The following NCOA1 variants were observed in gnomAD, a reference collection of about 807,000 sequenced individuals.
NCOA1 encodes nuclear receptor coactivator 1.
NCOA1 carries 35 observed loss-of-function variants against 150.9 expected under a neutral mutation model. The ratio of observed to expected loss-of-function variants is 0.23; its 90% CI spans 0.18 to 0.31. NCOA1 has a LOEUF of 0.31. Ranked by LOEUF, NCOA1 falls within the 10% of genes least tolerant of loss-of-function variation. The pLI, the probability that NCOA1 is intolerant of heterozygous loss-of-function variation, is 1.00. For missense variants in NCOA1, 1,491 were observed against 1,749.3 expected (o/e 0.85, Z 2.63); for synonymous variants, 590 against 630.0 (o/e 0.94, Z 0.95).
intron 3 of NCOA1, among the ~76,000 whole-genome samples, chr2:24,630,851 G>T (rs1004578201): frequency 2.0e-5 from 3 of 151,996 alleles, no homozygotes; most frequent in African/African-American, 7.3e-5. Flanking sequence ...ATTAGAAAAA[G>T]CAAACAACTT....
intron 14 of NCOA1, among the ~76,000 whole-genome samples, chr2:24,716,840 A>T (rs761435983): frequency 6.6e-6 from 1 of 152,232 alleles, no homozygotes; most frequent in Non-Finnish European, 1.5e-5. Flanking sequence ...GGAAGAAATT[A>T]TATTCTCTCT....
At position 24,662,126 on chromosome 2, in the gene NCOA1, T is replaced by A. The variant is rs139892318; in HGVS notation, c.89+3360T>A. On this transcript the variant is annotated intron_variant, in intron 5 of 22. Transcript: ENST00000348332. ...TTTATGTATGAATGCCACCTTGTAA[T>A]GTTTCTGTCTCCCCAAACAGAATTG... Among the ~76,000 whole-genome samples, 3 of 152,320 alleles carry A rather than the reference T, an allele frequency of 2.0e-5. No individual in the cohort carries two copies. In the East Asian group the frequency reaches 5.8e-4, roughly 29 times the overall value.
intron 14 of NCOA1, among the ~76,000 whole-genome samples, chr2:24,720,293 G>A (rs1674292153): frequency 6.6e-6 from 1 of 152,120 alleles, no homozygotes; most frequent in African/African-American, 2.4e-5. Context: ...ATTTATTATG[G>A]GCCTCTTGGT....
intron 8 of NCOA1, among the ~76,000 whole-genome samples, chr2:24,689,780 G>A (rs1672578744): frequency 6.6e-6 from 1 of 152,172 alleles, no homozygotes; most frequent in Non-Finnish European, 1.5e-5. Context: ...TTCAGTACAT[G>A]AGAAGAGAGC....
At chr2:24,694,803 A>G (rs910627070) in intron 10 of NCOA1, among the ~76,000 whole-genome samples, 3 of 149,426 alleles carry the variant, frequency 2.0e-5, no homozygotes, top group African/African-American at 7.7e-5. Flanking sequence ...TCCAAAAACA[A>G]AAATTTATTT....
chr2:24,507,034 C>G lies in NCOA1; in HGVS notation c.-396+15432C>G, dbSNP rs955701155. On this transcript the variant is annotated intron_variant, in intron 1 of 22. Transcript: ENST00000348332. ...GTATTATCTCCTTTATCTCAGTGTCCTTGTTGATGTTGTTACTACTATTAC... is the reference window on the plus strand; with the variant it reads ...GTATTATCTCCTTTATCTCAGTGTCGTTGTTGATGTTGTTACTACTATTAC... Among the ~76,000 whole-genome samples the G allele has an allele frequency of 7.9e-5, 12 of 152,146 alleles. No individual in the cohort carries two copies. In the East Asian group the frequency reaches 2.3e-3, roughly 29 times the overall value.
At chr2:24,500,757 T>C (rs1038529531) in intron 1 of NCOA1, among the ~76,000 whole-genome samples, 3 of 152,216 alleles carry the variant, frequency 2.0e-5, no homozygotes, top group African/African-American at 7.2e-5. Flanking sequence ...ATAAGTGCTA[T>C]GTTACCTAGC....
intron 21 of NCOA1, among the ~76,000 whole-genome samples, chr2:24,760,157 T>G (rs1263429451): frequency 2.7e-5 from 4 of 149,296 alleles, no homozygotes; most frequent in Non-Finnish European, 6.0e-5. Flanking sequence ...TTTTTTTTTT[T>G]GAGATGGAGT....
At chr2:24,664,217 T>C (rs1267220778) in intron 5 of NCOA1, among the ~76,000 whole-genome samples, 1 of 152,196 alleles carries the variant, frequency 6.6e-6, no homozygotes, top group Non-Finnish European at 1.5e-5. Flanking sequence ...AAATACAATT[T>C]TAATAACTAC....
At chr2:24,576,083 T>C (rs892430626) in intron 2 of NCOA1, among the ~76,000 whole-genome samples, 8 of 151,122 alleles carry the variant, frequency 5.3e-5, no homozygotes, top group Non-Finnish European at 3.0e-5. Context: ...GTCTTTTTAC[T>C]CTACCCTATT....
At chr2:24,666,714 C>T (rs1671448052) in intron 6 of NCOA1, among the ~76,000 whole-genome samples, 1 of 151,460 alleles carries the variant, frequency 6.6e-6, no homozygotes, top group African/African-American at 2.4e-5. Context: ...CTCGCTGCAA[C>T]CTCTACCTCC....
chr2:24,645,618 C>A (rs1056917132), intron 4 of NCOA1, among the ~76,000 whole-genome samples: 1 of 152,000 alleles, frequency 6.6e-6, no homozygotes, highest in Admixed American at 6.6e-5. Flanking sequence ...TTGAGTGCCC[C>A]ATATCTGAAA....
chr2:24,725,714 CGTGTGTGTGTGTGTGT>C (rs57720230), intron 14 of NCOA1, among the ~76,000 whole-genome samples: 3 of 148,874 alleles, frequency 2.0e-5, no homozygotes, highest in African/African-American at 7.6e-5. Flanking sequence ...CTAAAGTGTG[CGTGTGTGTGTGTGTGT>C]GTGTGTGTGT....
intron 22 of NCOA1, among the ~76,000 whole-genome samples, chr2:24,763,411 T>C (rs181597136): frequency 0.074 from 11,204 of 150,516 alleles, 513 homozygotes; most frequent in African/African-American, 0.12. Flanking sequence ...AGGTGGCGGG[T>C]GCCTGTAGTC....
chr2:24,701,525 A>G (rs1000491839), intron 11 of NCOA1, among the ~76,000 whole-genome samples: 6 of 148,670 alleles, frequency 4.0e-5, no homozygotes, highest in Admixed American at 6.7e-5. Flanking sequence ...AAAAAAAAAG[A>G]GTAGACCAAG....
intron 3 of NCOA1, among the ~76,000 whole-genome samples, chr2:24,589,626 TGGTGG>T (rs1667561061): frequency 9.0e-6 from 1 of 111,550 alleles, no homozygotes; most frequent in African/African-American, 3.5e-5. Context: ...GGAAAGAGGT[TGGTGG>T]TGTGTGTGTG....
intron 2 of NCOA1, among the ~76,000 whole-genome samples, chr2:24,567,780 AT>A (rs762644661): frequency 7.9e-5 from 12 of 152,092 alleles, no homozygotes; most frequent in Non-Finnish European, 1.5e-4. Context: ...AGACAGTCTC[AT>A]TTTGTTGCCC....
intron 1 of NCOA1, among the ~76,000 whole-genome samples, chr2:24,498,295 T>A (rs557216841): frequency 6.6e-6 from 1 of 152,334 alleles, no homozygotes; most frequent in South Asian, 2.1e-4. Context: ...TTCAAGGTGC[T>A]GTGCTGTAAA....
At chr2:24,539,070 GAA>G (rs1665282873) in intron 1 of NCOA1, among the ~76,000 whole-genome samples, 1 of 152,136 alleles carries the variant, frequency 6.6e-6, no homozygotes, top group Admixed American at 6.5e-5. Context: ...CAAAAATCAA[GAA>G]AACAACCACT....
Sources: allele counts gnomAD v4.1 joint callset (sites outside exome capture counted in the v4.1 genomes callset), GRCh38; gene constraint gnomAD v4.1.1; transcripts MANE v1.5; gene names NCBI Gene and HGNC (gene_info 2026-07-23, HGNC 2026-07-21).